LRRC4C: variants seen among roughly 807,000 people sequenced by gnomAD.
LRRC4C encodes leucine rich repeat containing 4C, also known as leucine-rich repeat-containing protein 4C.
In LRRC4C, 5 loss-of-function variants were observed where a neutral mutation model predicts 33.6. The observed-to-expected ratio is 0.15, with a 90% CI of 0.08 to 0.31. The LOEUF (loss-of-function observed/expected upper bound fraction) is 0.31, where lower values mean the gene tolerates loss of function less well. Among genes scored for constraint, LRRC4C ranks in the 10% least tolerant of loss-of-function variants. The probability of loss-of-function intolerance (pLI) is 1.00; values close to 1 mark genes in which losing one functional copy is unlikely to be tolerated. For missense variants in LRRC4C, 560 were observed against 796.7 expected (o/e 0.70, Z 3.58); for synonymous variants, 329 against 302.0 (o/e 1.09, Z -0.93).
chr11:40,420,246 C>G (rs1394573564), intron 3 of LRRC4C, among the ~76,000 whole-genome samples: 1 of 152,180 alleles, frequency 6.6e-6, no homozygotes, highest in Admixed American at 6.5e-5. Context: ...TCGATCACCA[C>G]AATTGTACTG....
chr11:40,372,329 T>C (rs1202697575), intron 3 of LRRC4C, among the ~76,000 whole-genome samples: 1 of 152,150 alleles, frequency 6.6e-6, no homozygotes, highest in African/African-American at 2.4e-5. Flanking sequence ...GGGGACCTTG[T>C]AATCATTTGA....
chr11:40,441,263 T>C (rs1443485408), intron 3 of LRRC4C, among the ~76,000 whole-genome samples: 1 of 152,208 alleles, frequency 6.6e-6, no homozygotes. Context: ...GCTCAACTGC[T>C]CTCTTTGAGT....
intron 1 of LRRC4C, among the ~76,000 whole-genome samples, chr11:41,073,917 T>G (rs1486097859): frequency 1.3e-5 from 2 of 152,322 alleles, no homozygotes; most frequent in Non-Finnish European, 2.9e-5. Flanking sequence ...CCAACATACA[T>G]AATCACAGTA....
intron 3 of LRRC4C, among the ~76,000 whole-genome samples, chr11:40,428,115 A>G (rs1950783882): frequency 6.6e-6 from 1 of 152,190 alleles, no homozygotes; most frequent in Non-Finnish European, 1.5e-5. Context: ...TCCTATGAAT[A>G]CCAGCCCTGT....
At chr11:41,364,677 A>G (rs1198949741) in intron 1 of LRRC4C, among the ~76,000 whole-genome samples, 1 of 152,232 alleles carries the variant, frequency 6.6e-6, no homozygotes, top group Non-Finnish European at 1.5e-5. Flanking sequence ...GCTCAGAACA[A>G]AATTTATTGC....
rs138277624 is a variant in LRRC4C at position 40,392,353 on chromosome 11, G to A, written c.-269-72632C>T. On this transcript the variant is annotated intron_variant, in intron 3 of 6. Transcript: ENST00000528697. ...TATCAATATTGGTTTGTCAATTATT[G>A]TCACATAAAACATGTATCACATGAA... Among the ~76,000 whole-genome samples the A allele has an allele frequency of 2.1e-3, 316 of 152,098 alleles. 2 individuals carry two copies. The highest frequency in any genetic ancestry group is 7.2e-3 in the African/African-American group (300 of 41,474).
intron 1 of LRRC4C, among the ~76,000 whole-genome samples, chr11:41,399,006 C>T (rs534827991): frequency 6.6e-6 from 1 of 151,978 alleles, no homozygotes; most frequent in Non-Finnish European, 1.5e-5. Flanking sequence ...TGGATTAAGG[C>T]TACTTTCCTA....
chr11:41,333,016 A>AT (rs1453301806), intron 1 of LRRC4C, among the ~76,000 whole-genome samples: 2 of 152,182 alleles, frequency 1.3e-5, no homozygotes, highest in Admixed American at 6.5e-5. Flanking sequence ...AGAAGACAAA[A>AT]TTATGTTCAT....
chr11:40,441,924 A>T (rs548715916), intron 3 of LRRC4C, among the ~76,000 whole-genome samples: 4 of 152,284 alleles, frequency 2.6e-5, no homozygotes, highest in Non-Finnish European at 4.4e-5. Context: ...GCACTTTGGG[A>T]GGCCGAGGCG....
At chr11:41,327,289 C>T (rs1951151949) in intron 1 of LRRC4C, among the ~76,000 whole-genome samples, 3 of 152,126 alleles carry the variant, frequency 2.0e-5, no homozygotes. Flanking sequence ...CAGAGAGCAG[C>T]GTGAGCCTTG....
intron 4 of LRRC4C, among the ~76,000 whole-genome samples, chr11:40,264,034 T>G (rs1223697923): frequency 6.6e-6 from 1 of 152,194 alleles, no homozygotes; most frequent in Admixed American, 6.5e-5. Context: ...TCTTGATTGA[T>G]CCATTATACT....
At chr11:40,477,308 G>GA (rs113000726) in intron 3 of LRRC4C, among the ~76,000 whole-genome samples, 29 of 149,528 alleles carry the variant, frequency 1.9e-4, no homozygotes, top group African/African-American at 2.4e-4. Flanking sequence ...ACAACATCAA[G>GA]AAAAAAAAAA....
At chr11:40,769,902 C>A (rs372073371) in intron 2 of LRRC4C, among the ~76,000 whole-genome samples, 4 of 152,104 alleles carry the variant, frequency 2.6e-5, no homozygotes, top group Admixed American at 6.6e-5. Context: ...AGAAAACTCT[C>A]TAGGACATTG....
intron 2 of LRRC4C, among the ~76,000 whole-genome samples, chr11:40,859,568 A>C (rs896351059): frequency 6.6e-6 from 1 of 152,146 alleles, no homozygotes; most frequent in Non-Finnish European, 1.5e-5. Flanking sequence ...GCACAGAATG[A>C]CCATATGACC....
chr11:40,431,917 C>A (rs549765225), intron 3 of LRRC4C, among the ~76,000 whole-genome samples: 1 of 152,258 alleles, frequency 6.6e-6, no homozygotes, highest in South Asian at 2.1e-4. Context: ...TTGCTACAAC[C>A]TACCCTTGCA....
chr11:40,672,502 A>G (rs1944179073), intron 2 of LRRC4C, among the ~76,000 whole-genome samples: 1 of 152,182 alleles, frequency 6.6e-6, no homozygotes, highest in African/African-American at 2.4e-5. Context: ...TGAGTTCCCC[A>G]TTAGAAGTGA....
chr11:40,633,333 C>CTT (rs1160688049), intron 3 of LRRC4C, among the ~76,000 whole-genome samples: 2 of 20,682 alleles, frequency 9.7e-5, no homozygotes, highest in Admixed American at 7.0e-4. Context: ...CTTTTTCTTT[C>CTT]TTTCTTTCTT....
intron 3 of LRRC4C, among the ~76,000 whole-genome samples, chr11:40,592,419 C>T (rs747474426): frequency 3.9e-4 from 60 of 152,102 alleles, no homozygotes; most frequent in South Asian, 6.2e-4. Flanking sequence ...TGAAAATTCA[C>T]GTCAATAACA....
intron 1 of LRRC4C, among the ~76,000 whole-genome samples, chr11:41,021,752 T>G (rs534249284): frequency 6.6e-6 from 1 of 152,058 alleles, no homozygotes; most frequent in African/African-American, 2.4e-5. Flanking sequence ...TTTGTCTCTA[T>G]GTGACTAACC....
Sources: allele counts gnomAD v4.1 joint callset (sites outside exome capture counted in the v4.1 genomes callset), GRCh38; gene constraint gnomAD v4.1.1; transcripts MANE v1.5; gene names NCBI Gene and HGNC (gene_info 2026-07-23, HGNC 2026-07-21).